ARHGAP25: variants seen among roughly 807,000 people sequenced by gnomAD.
ARHGAP25 encodes Rho GTPase activating protein 25.
In ARHGAP25, 34 loss-of-function variants were observed where a neutral mutation model predicts 71.0. The observed-to-expected ratio is 0.48, with a 90% confidence interval of 0.36 to 0.64. ARHGAP25 has a LOEUF of 0.64. Ranked by LOEUF, ARHGAP25 falls within the 30% of genes least tolerant of loss-of-function variation. The probability of loss-of-function intolerance (pLI) is 0.00; values close to 1 mark genes in which losing one functional copy is unlikely to be tolerated. For missense variants in ARHGAP25, 706 were observed against 805.1 expected, an observed-to-expected ratio of 0.88 and a Z score of 1.49; for synonymous variants, 282 against 296.5, an observed-to-expected ratio of 0.95 and a Z score of 0.50.
At position 68,760,415 on chromosome 2, in the gene ARHGAP25, A is replaced by G. The variant is rs190795468; in HGVS notation, c.62-14806A>G. On this transcript the variant is annotated intron_variant, in intron 1 of 10. Transcript: ENST00000409202. ...GTACACTTATCTCTATTTAGAGATA[A>G]TATAATCTTATATGCAGAAAATCCT... 9.2e-5 allele frequency among the ~76,000 whole-genome samples: 14 copies of G among 152,188 alleles called. No individual in the cohort carries two copies. The East Asian group carries it at 2.1e-3, about 23-fold the overall frequency.
At chr2:68,798,594 C>T (rs6752974) in intron 4 of ARHGAP25, among the ~76,000 whole-genome samples, 3,620 of 151,574 alleles carry the variant, frequency 0.024, 145 homozygotes, top group African/African-American at 0.084. Context: ...TTTTAAAGAG[C>T]CAAGGGAAAA....
intron 2 of ARHGAP25, among the ~76,000 whole-genome samples, chr2:68,776,999 C>T (rs1396223107): frequency 6.6e-6 from 1 of 152,186 alleles, no homozygotes; most frequent in African/African-American, 2.4e-5. Flanking sequence ...TCTGGAGTCT[C>T]TGTCACTGCA....
At chr2:68,732,943 T>A (rs1316786195), upstream of ARHGAP25, among the ~76,000 whole-genome samples, 1 of 152,170 alleles carries the variant, frequency 6.6e-6, no homozygotes, top group Non-Finnish European at 1.5e-5. Flanking sequence ...TAAGCAGAGA[T>A]CCATGTGATT....
In ARHGAP25 at chr2:68,775,422, T is replaced by TACC; in HGVS notation, c.261+4_261+6dup. Reference sequence around the variant, plus strand: ...GATGAAGAGGACACGAAGCCCCAGGTACCAGCCAGGCTGTTTGTCCCGTTC... The same window carrying TACC: ...GATGAAGAGGACACGAAGCCCCAGGTACCACCAGCCAGGCTGTTTGTCCCGTTC... On this transcript the variant is annotated splice_region_variant and intron_variant, in intron 2 of 10. Coordinates refer to ENST00000409202, the MANE Select transcript of ARHGAP25 (RefSeq NM_001007231.3). 1 of 1,614,232 alleles carries TACC rather than the reference T, an allele frequency of 6.2e-7. No homozygotes were observed. Among genetic ancestry groups the TACC allele is most frequent in the Non-Finnish European group, 8.5e-7 (1 of 1,180,028 alleles).
intron 4 of ARHGAP25, among the ~76,000 whole-genome samples, chr2:68,802,625 T>A (rs1680065689): frequency 1.3e-5 from 2 of 151,434 alleles, no homozygotes; most frequent in African/African-American, 4.9e-5. Flanking sequence ...GAAGCAGTGA[T>A]TTAGGGATGG....
At chr2:68,798,015 T>C (rs1474210967) in intron 4 of ARHGAP25, among the ~76,000 whole-genome samples, 2 of 152,248 alleles carry the variant, frequency 1.3e-5, no homozygotes, top group Non-Finnish European at 2.9e-5. Context: ...TCTTGAACAC[T>C]GCATTTAAAG....
At chr2:68,788,645 G>T (rs182213385) in intron 4 of ARHGAP25, among the ~76,000 whole-genome samples, 1 of 152,244 alleles carries the variant, frequency 6.6e-6, no homozygotes, top group Admixed American at 6.5e-5. Context: ...TAACAAACAC[G>T]TGAATCTAGT....
chr2:68,747,300 G>A (rs867999563), intron 1 of ARHGAP25, among the ~76,000 whole-genome samples: 1 of 152,102 alleles, frequency 6.6e-6, no homozygotes, highest in Non-Finnish European at 1.5e-5. Context: ...TCTTAACAAT[G>A]AAGTGTCCCA....
chr2:68,821,123 G>T (rs1335336547), intron 9 of ARHGAP25, among the ~76,000 whole-genome samples: 1 of 125,228 alleles, frequency 8.0e-6, no homozygotes, highest in Non-Finnish European at 1.6e-5. Context: ...TTGTGACAGG[G>T]TCTCACTTTA....
chr2:68,811,166 T>A (rs1438413868), intron 5 of ARHGAP25, among the ~76,000 whole-genome samples: 3 of 152,226 alleles, frequency 2.0e-5, no homozygotes, highest in African/African-American at 7.2e-5. Context: ...GAGTATAGAA[T>A]GCTGGAGGCA....
intron 1 of ARHGAP25, among the ~76,000 whole-genome samples, chr2:68,770,119 A>T (rs183598892): frequency 6.6e-6 from 1 of 152,234 alleles, no homozygotes; most frequent in East Asian, 1.9e-4. Context: ...CATCAGAGAG[A>T]CCAGCGGAGG....
chr2:68,766,732 C>G (rs1445998343), intron 1 of ARHGAP25, among the ~76,000 whole-genome samples: 2 of 151,948 alleles, frequency 1.3e-5, no homozygotes, highest in African/African-American at 2.4e-5. Flanking sequence ...CTCTCTCTCT[C>G]TTGTTCTCAC....
At chr2:68,758,199 G>A (rs978157372) in intron 1 of ARHGAP25, among the ~76,000 whole-genome samples, 5 of 151,854 alleles carry the variant, frequency 3.3e-5, no homozygotes, top group African/African-American at 7.2e-5. Context: ...GGGAATGGAG[G>A]ACAAAAAAGC....
intron 2 of ARHGAP25, among the ~76,000 whole-genome samples, chr2:68,725,843 T>C (rs576317376): frequency 1.3e-5 from 2 of 152,202 alleles, no homozygotes; most frequent in Non-Finnish European, 2.9e-5. Context: ...CTCTCACCTC[T>C]GGCAGAGCTC....
At chr2:68,738,323 C>G (rs1273660332) in intron 1 of ARHGAP25, among the ~76,000 whole-genome samples, 1 of 152,158 alleles carries the variant, frequency 6.6e-6, no homozygotes, top group African/African-American at 2.4e-5. Flanking sequence ...TCCCAATGAC[C>G]AGGCCAGTCT....
At position 68,758,864 on chromosome 2, in the gene ARHGAP25, A is replaced by C. The variant is rs181247741; in HGVS notation, c.62-16357A>C. Among the ~76,000 whole-genome samples, 471 of 152,090 alleles carry C rather than the reference A, an allele frequency of 3.1e-3. 5 individuals are homozygous for C. The highest frequency in any genetic ancestry group is 4.2e-3 in the Non-Finnish European group (282 of 67,818). ...AGACCATATATTAGGACACAATTTAAGTCTCAATCGATTTTAAAAGGTAGG... is the reference window on the plus strand; with the variant it reads ...AGACCATATATTAGGACACAATTTACGTCTCAATCGATTTTAAAAGGTAGG... On this transcript the variant is annotated intron_variant, in intron 1 of 10. Coordinates refer to ENST00000409202, the MANE Select transcript of ARHGAP25 (RefSeq NM_001007231.3).
At chr2:68,735,963 G>T (rs1675191576) in intron 1 of ARHGAP25, among the ~76,000 whole-genome samples, 1 of 152,118 alleles carries the variant, frequency 6.6e-6, no homozygotes, top group Non-Finnish European at 1.5e-5. Context: ...TATTCGTTAT[G>T]AAGTTCTTTA....
chr2:68,721,794 A>G (rs1218547430), intron 2 of ARHGAP25, among the ~76,000 whole-genome samples: 1 of 152,220 alleles, frequency 6.6e-6, no homozygotes, highest in Non-Finnish European at 1.5e-5. Context: ...CAGAAACCTA[A>G]GGTCGACAGA....
At chr2:68,750,152 G>T (rs537895645) in intron 1 of ARHGAP25, among the ~76,000 whole-genome samples, 1 of 145,964 alleles carries the variant, frequency 6.9e-6, no homozygotes, top group East Asian at 2.1e-4. Flanking sequence ...GACCACAGGC[G>T]TGCACCGCCA....
Sources: allele counts gnomAD v4.1 joint callset (sites outside exome capture counted in the v4.1 genomes callset), GRCh38; gene constraint gnomAD v4.1.1; transcripts MANE v1.5; gene names NCBI Gene and HGNC (gene_info 2026-07-23, HGNC 2026-07-21).